Variants in PDE8A observed in about 807,000 individuals in gnomAD.
PDE8A encodes the protein phosphodiesterase 8A, also known as high affinity cAMP-specific and IBMX-insensitive 3',5'-cyclic phosphodiesterase 8A.
Under a neutral mutation model 105.0 loss-of-function variants are expected in PDE8A, and 59 were observed. That is an observed-to-expected ratio of 0.56 (90% CI 0.46 to 0.70). The LOEUF is 0.70. Ranked by LOEUF, PDE8A falls within the 30% of genes least tolerant of loss-of-function variation. PDE8A has a pLI of 0.00. For missense variants in PDE8A, 1,014 were observed against 1,045.9 expected, an observed-to-expected ratio of 0.97 and a Z score of 0.42; for synonymous variants, 355 against 371.9, an observed-to-expected ratio of 0.95 and a Z score of 0.52.
chr15:85,006,617 A>G (rs963422282), intron 1 of PDE8A, among the ~76,000 whole-genome samples: 2 of 151,892 alleles, frequency 1.3e-5, no homozygotes, highest in Non-Finnish European at 2.9e-5. Context: ...CTGTTTTCCT[A>G]TTGGAGAAAT....
intron 1 of PDE8A, among the ~76,000 whole-genome samples, chr15:85,009,727 A>C (rs977009075): frequency 6.6e-6 from 1 of 152,244 alleles, no homozygotes; most frequent in Admixed American, 6.5e-5. Flanking sequence ...ACTGTTGGCA[A>C]TATTTACTGA....
intron 8 of PDE8A, 81 bp from the exon 9 acceptor site, chr15:85,097,867 T>G: frequency 1.3e-6 from 1 of 772,568 alleles, no homozygotes; most frequent in Non-Finnish European, 2.2e-6. Flanking sequence ...GCAATGTAAG[T>G]GAATCAGAAC....
intron 1 of PDE8A, among the ~76,000 whole-genome samples, chr15:85,062,301 A>C (rs2081158885): frequency 6.6e-6 from 1 of 152,172 alleles, no homozygotes; most frequent in Non-Finnish European, 1.5e-5. Context: ...CTCTGTGCCA[A>C]GGATCAGTCT....
chr15:84,995,580 C>T (rs1003908261), intron 1 of PDE8A, among the ~76,000 whole-genome samples: 3 of 152,170 alleles, frequency 2.0e-5, no homozygotes, highest in East Asian at 1.9e-4. Context: ...CTCAGCTTCC[C>T]AAAGTGTTGG....
chr15:85,067,596 C>T (rs1240392205), intron 3 of PDE8A, among the ~76,000 whole-genome samples: 1 of 152,002 alleles, frequency 6.6e-6, no homozygotes, highest in Non-Finnish European at 1.5e-5. Context: ...TGCACCTTGT[C>T]AATATTATGA....
rs2082462105 is a variant in PDE8A, at chr15:85,139,104, C to A, written c.*1201C>A. ...TAAACTCGTATTTGTGGTTTTTTTC[C>A]CAGATAAAAATGAAATTAAACCATT... On this transcript the variant is annotated 3_prime_UTR_variant, in exon 22 of 22. Transcript: ENST00000394553. The A allele has an allele frequency of 6.6e-6, 1 of 151,692 alleles. No individual in the cohort carries two copies. The highest frequency in any genetic ancestry group is 1.5e-5 in the Non-Finnish European group (1 of 67,948). 9.4% of individuals were successfully genotyped at this position (151,692 alleles called of 1,614,324 possible). A position where few individuals can be genotyped will look rare whatever the true frequency, so the allele number is the denominator to read the frequency against.
intron 4 of PDE8A, 102 bp from the exon 5 acceptor site, chr15:85,076,631 T>C (rs2081383908): frequency 2.7e-6 from 2 of 754,252 alleles, no homozygotes; most frequent in Middle Eastern, 3.0e-4. Context: ...CATCTAAAAG[T>C]ACTCATTACA....
intron 1 of PDE8A, among the ~76,000 whole-genome samples, chr15:84,982,873 C>A (rs1028441977): frequency 6.6e-6 from 1 of 152,226 alleles, no homozygotes; most frequent in African/African-American, 2.4e-5. Flanking sequence ...TCTGGAACAT[C>A]AGCTTTGCTT....
At chr15:84,992,292 G>A (rs1296963800) in intron 1 of PDE8A, among the ~76,000 whole-genome samples, 1 of 152,044 alleles carries the variant, frequency 6.6e-6, no homozygotes. Context: ...AGGAAAGGAG[G>A]GAGAGGTTTG....
chr15:85,066,230 TC>T (rs1432875143), intron 2 of PDE8A, among the ~76,000 whole-genome samples: 8 of 152,160 alleles, frequency 5.3e-5, no homozygotes, highest in African/African-American at 1.9e-4. Flanking sequence ...CTTAACTAAA[TC>T]TTTGTTGAGT....
upstream of PDE8A, chr15:84,980,664 G>GA (rs2079691831): frequency 1.3e-5 from 2 of 152,402 alleles, no homozygotes; most frequent in Non-Finnish European, 2.9e-5. Flanking sequence ...GCTGGTGGGG[G>GA]AGGAGCCCCA....
chr15:85,067,436 G>A (rs1280673903), intron 3 of PDE8A, among the ~76,000 whole-genome samples: 1 of 152,110 alleles, frequency 6.6e-6, no homozygotes, highest in African/African-American at 2.4e-5. Flanking sequence ...ATTATTAAGG[G>A]TCAAAGTGAA....
At chr15:84,989,912 A>C (rs1250113689) in intron 1 of PDE8A, among the ~76,000 whole-genome samples, 4 of 152,190 alleles carry the variant, frequency 2.6e-5, no homozygotes, top group African/African-American at 2.4e-5. Context: ...TTCTGCAGTT[A>C]ACAGTTTTCT....
intron 1 of PDE8A, among the ~76,000 whole-genome samples, chr15:85,032,156 G>A (rs2080626378): frequency 6.6e-6 from 1 of 152,168 alleles, no homozygotes; most frequent in African/African-American, 2.4e-5. Flanking sequence ...TGTTAATTAA[G>A]GAAATGGACT....
At chr15:85,035,489 C>T (rs754767119) in intron 1 of PDE8A, among the ~76,000 whole-genome samples, 3 of 152,028 alleles carry the variant, frequency 2.0e-5, no homozygotes, top group Non-Finnish European at 2.9e-5. Context: ...GGATTACAGG[C>T]GTGAGCCACC....
intron 1 of PDE8A, among the ~76,000 whole-genome samples, chr15:85,043,800 T>C (rs2080848611): frequency 6.6e-6 from 1 of 152,026 alleles, no homozygotes; most frequent in African/African-American, 2.4e-5. Context: ...CGGGTTCAGG[T>C]GATTCTCCTG....
intron 17 of PDE8A, 43 bp downstream of exon 17, chr15:85,117,882 T>TGG: frequency 6.8e-7 from 1 of 1,469,094 alleles, no homozygotes; most frequent in Non-Finnish European, 9.5e-7. Context: ...GCAGGAGCAG[T>TGG]GGGGAGAGTC....
At chr15:85,089,496 G>GGT in intron 7 of PDE8A, 80 bp downstream of exon 7, 2 of 706,174 alleles carry the variant, frequency 2.8e-6, no homozygotes, top group Non-Finnish European at 4.7e-6. Context: ...TCTCCAATAT[G>GGT]ATTTTTTTTT....
At chr15:85,029,300 A>G (rs533673320) in intron 1 of PDE8A, among the ~76,000 whole-genome samples, 2 of 152,186 alleles carry the variant, frequency 1.3e-5, no homozygotes, top group East Asian at 1.9e-4. Flanking sequence ...TATTTTCTCA[A>G]TAAGTTAGTG....
Sources: gnomAD v4.1 joint callset for allele counts (sites outside exome capture counted in the v4.1 genomes callset) on GRCh38, gnomAD v4.1.1 for gene constraint, MANE v1.5 for transcripts, NCBI Gene and HGNC (gene_info 2026-07-23, HGNC 2026-07-21) for gene names.